Variants in FMO2 observed in about 807,000 individuals in gnomAD.
The protein encoded by FMO2 is flavin containing dimethylaniline monoxygenase 2.
FMO2 carries 33 observed loss-of-function variants against 41.6 expected under a neutral mutation model. That is an observed-to-expected ratio of 0.79 (90% CI 0.60 to 1.06). The LOEUF is 1.06. FMO2 is among the 50% of genes least tolerant of loss of function. The pLI is 0.00. For synonymous variants in FMO2, 214 were observed against 219.6 expected (o/e 0.97, Z 0.23); for missense variants, 619 against 632.9 (o/e 0.98, Z 0.23).
chr1:171,205,323 G>A lies in FMO2; in HGVS notation c.872G>A (p.Arg291His), dbSNP rs141653324. 6.5e-4 allele frequency: 1,054 copies of A among 1,613,442 alleles called. No individual in the cohort carries two copies. The highest frequency in any genetic ancestry group is 8.2e-4 in the Non-Finnish European group (970 of 1,179,562). Residue 291 changes from arginine (R) to histidine (H), a missense_variant, in exon 7 of 9, where the codon CGT (arginine) becomes CAT (histidine). By Grantham distance (29) the Arg-to-His change is conservative. Coordinates refer to ENST00000209929, the MANE Select transcript of FMO2 (RefSeq NM_001460.5). ...GTACTAAATGATGATGTCCCAAGTC[G>A]TCTACTCTGTGGAGCCATCAAGGTG... is the stretch of plus-strand genomic sequence containing the variant. ...EPVLNDDVPS[R>H]LLCGAIKVKS...
intron 2 of FMO2, among the ~76,000 whole-genome samples, chr1:171,190,883 C>T (rs934119413): frequency 1.3e-5 from 2 of 152,090 alleles, no homozygotes; most frequent in African/African-American, 2.4e-5. Context: ...CGGTGGCTCA[C>T]GCCTGTAATC....
intron 5 of FMO2, among the ~76,000 whole-genome samples, chr1:171,199,706 T>C (rs1294150035): frequency 6.6e-6 from 1 of 152,216 alleles, no homozygotes; most frequent in Non-Finnish European, 1.5e-5. Flanking sequence ...TTCACTTCTC[T>C]GGGAGATGGC....
intron 5 of FMO2, among the ~76,000 whole-genome samples, chr1:171,200,611 A>C (rs1658496798): frequency 6.6e-6 from 1 of 152,192 alleles, no homozygotes; most frequent in Admixed American, 6.5e-5. Flanking sequence ...AGGTTAATGA[A>C]GGGGTTATAC....
intron 5 of FMO2, among the ~76,000 whole-genome samples, chr1:171,201,472 T>C (rs1658533277): frequency 1.3e-5 from 2 of 152,198 alleles, no homozygotes; most frequent in African/African-American, 4.8e-5. Context: ...CCAGAGACTT[T>C]ACAGGAGCTA....
At chr1:171,201,832 A>C (rs12758408) in intron 5 of FMO2, among the ~76,000 whole-genome samples, 17,780 of 33,510 alleles carry the variant, frequency 0.53, 1,175 homozygotes, top group African/African-American at 0.55. Context: ...ATGAGAGCGA[A>C]GGGGGAACCC....
chr1:171,205,681 A>C (rs1658734954), intron 7 of FMO2, 47 bp downstream of exon 7: 1 of 1,285,574 alleles, frequency 7.8e-7, no homozygotes, highest in Non-Finnish European at 1.1e-6. Context: ...GATCTGGTGA[A>C]GTTTATCAAT....
At chr1:171,199,652 C>T in intron 5 of FMO2, 164 bp downstream of exon 5, 1 of 550,828 alleles carries the variant, frequency 1.8e-6, no homozygotes, top group Non-Finnish European at 3.1e-6. Context: ...CACTTTACCT[C>T]CTAGCTCTGT....
intron 5 of FMO2, among the ~76,000 whole-genome samples, chr1:171,203,358 C>CACAA (rs1473552800): frequency 1.3e-5 from 2 of 148,868 alleles, no homozygotes; most frequent in Non-Finnish European, 3.0e-5. Flanking sequence ...CACACACACA[C>CACAA]AAAATAAAGT....
chr1:171,195,026 T>A (rs188365938), intron 3 of FMO2, among the ~76,000 whole-genome samples: 11 of 152,330 alleles, frequency 7.2e-5, no homozygotes, highest in Admixed American at 2.0e-4. Context: ...ACTATCAATC[T>A]ACTTAACAAA....
At chr1:171,196,591 C>T in intron 3 of FMO2, 58 bp from the exon 4 acceptor site, 1 of 1,528,642 alleles carries the variant, frequency 6.5e-7, no homozygotes, top group Admixed American at 1.7e-5. Context: ...GAAAGACACA[C>T]TTGGCCAATG....
chr1:171,209,117 C>A lies in FMO2; in HGVS notation c.1580C>A (p.Ala527Asp). 1.4e-6 allele frequency: 1 copy of A among 696,686 alleles called. No homozygotes were observed. The highest frequency in any genetic ancestry group is 2.3e-6 in the Non-Finnish European group (1 of 425,606). The allele number at this position is 696,686 out of a possible 1,614,324, so 43.2% of individuals were successfully genotyped here. ...KILGLLAVVV[A>D]FFCQLQWS ...CTGGGCCTTCTTGCTGTTGTTGTGG[C>A]CTTTTTTTGCCAACTTCAATGGTCC... is the stretch of plus-strand genomic sequence containing the variant. The change falls in exon 9 of 9, where the codon GCC becomes GAC. Residue 527 changes from alanine to aspartate, a missense_variant. Coordinates refer to ENST00000209929, the MANE Select transcript of FMO2 (RefSeq NM_001460.5).
At chr1:171,196,381 C>T (rs1320525662) in intron 3 of FMO2, among the ~76,000 whole-genome samples, 1 of 152,166 alleles carries the variant, frequency 6.6e-6, no homozygotes, top group African/African-American at 2.4e-5. Context: ...TTATCAGGCA[C>T]ACATCATGAG....
At chr1:171,204,945 G>T (rs1226707968) in intron 6 of FMO2, among the ~76,000 whole-genome samples, 2 of 152,118 alleles carry the variant, frequency 1.3e-5, no homozygotes. Context: ...GCATGAAAAA[G>T]GTTAAAAACA....
At chr1:171,208,611 C>T (rs576315089) in intron 8 of FMO2, among the ~76,000 whole-genome samples, 183 bp from the exon 9 acceptor site, 10 of 152,236 alleles carry the variant, frequency 6.6e-5, no homozygotes, top group African/African-American at 9.6e-5. Flanking sequence ...TATTTGAGGG[C>T]GTATTCTCAA....
chr1:171,201,217 T>C (rs1658522067), intron 5 of FMO2, among the ~76,000 whole-genome samples: 1 of 152,178 alleles, frequency 6.6e-6, no homozygotes, highest in African/African-American at 2.4e-5. Flanking sequence ...TAGGAGGTAC[T>C]TCACTTTGAG....
intron 8 of FMO2, among the ~76,000 whole-genome samples, chr1:171,208,374 A>G (rs1658848376): frequency 3.9e-5 from 6 of 152,212 alleles, no homozygotes; most frequent in Admixed American, 3.9e-4. Context: ...AGTATCTACT[A>G]TACGCCATCC....
intron 5 of FMO2, 39 bp from the exon 6 acceptor site, chr1:171,203,826 A>G (rs1393435803): frequency 1.3e-6 from 2 of 1,573,460 alleles, no homozygotes; most frequent in South Asian, 2.2e-5. Context: ...TAAACGGGAC[A>G]ATGCCCTAAT....
At chr1:171,185,905 GT>G in intron 2 of FMO2, 60 bp downstream of exon 2, 3 of 1,505,868 alleles carry the variant, frequency 2.0e-6, no homozygotes, top group Admixed American at 1.7e-5. Flanking sequence ...GTGAATCACA[GT>G]TACTGATGGG....
chr1:171,191,007 T>C (rs1658062102), intron 2 of FMO2, among the ~76,000 whole-genome samples: 1 of 151,918 alleles, frequency 6.6e-6, no homozygotes, highest in African/African-American at 2.4e-5. Context: ...TAGCTGGGCA[T>C]GGTGGCGCAT....
Sources: allele counts gnomAD v4.1 joint callset (sites outside exome capture counted in the v4.1 genomes callset), GRCh38; gene constraint gnomAD v4.1.1; transcripts MANE v1.5; gene names NCBI Gene and HGNC (gene_info 2026-07-23, HGNC 2026-07-21).